The following GLIS3 variants were observed in gnomAD, a reference collection of about 807,000 sequenced individuals.
GLIS3 encodes the protein zinc finger protein GLIS3.
In GLIS3, 53 loss-of-function variants were observed where a neutral mutation model predicts 78.6. The ratio of observed to expected loss-of-function variants is 0.67; its 90% CI spans 0.54 to 0.85. The LOEUF is 0.85. Ranked by LOEUF, GLIS3 falls within the 40% of genes least tolerant of loss-of-function variation. The pLI is 0.00. For synonymous variants in GLIS3, 684 were observed against 509.9 expected (o/e 1.34, Z -4.60); for missense variants, 1,703 against 1,231.1 (o/e 1.38, Z -5.74).
chr9:4,413,864 T>G, the GLIS3 span, among the ~76,000 whole-genome samples: 4 of 152,236 alleles, frequency 2.6e-5, no homozygotes, highest in South Asian at 2.1e-4. Context: ...AACCAAAAAC[T>G]TGGATTTTGC....
At chr9:4,149,319 G>A (rs1408590475) in intron 2 of GLIS3, among the ~76,000 whole-genome samples, 1 of 152,170 alleles carries the variant, frequency 6.6e-6, no homozygotes, top group Non-Finnish European at 1.5e-5. Flanking sequence ...ACTAAGGCTT[G>A]AAGACCATAT....
chr9:3,862,189 G>T (rs1237933778), intron 8 of GLIS3, among the ~76,000 whole-genome samples: 1 of 152,176 alleles, frequency 6.6e-6, no homozygotes, highest in Non-Finnish European at 1.5e-5. Flanking sequence ...TTTGCTTAAA[G>T]TCACAAAGGT....
intron 4 of GLIS3, among the ~76,000 whole-genome samples, chr9:3,987,505 C>G (rs1407155801): frequency 6.6e-6 from 1 of 151,594 alleles, no homozygotes; most frequent in East Asian, 1.9e-4. Flanking sequence ...AGTTCGAGAC[C>G]AGCCTGGCCA....
chr9:4,006,691 T>C (rs1009665587), intron 4 of GLIS3, among the ~76,000 whole-genome samples: 1 of 152,204 alleles, frequency 6.6e-6, no homozygotes, highest in Non-Finnish European at 1.5e-5. Context: ...CCTAAGTTTA[T>C]TTAACAGGAA....
chr9:4,118,425 G>A lies in GLIS3; in HGVS notation c.1053C>T (p.Phe351=), dbSNP rs1027005598. ...GAATGCAGCTGCCGCGCACGCCCAG[G>A]AAATGCCCGTAGACCTCCGGCTGCG... ...LSPQPEVYGH[F]LGVRGSCIPQ... is the part of the protein sequence containing the mutation. The change falls in exon 4 of 11, where the codon TTC becomes TTT. Residue 351 remains phenylalanine, a synonymous_variant. Transcript: ENST00000381971. This position sits in a 1 kb window ranked among gnomAD's most constrained non-coding sequence, Gnocchi z 4.7. 1 of 1,610,966 alleles carries A rather than the reference G, an allele frequency of 6.2e-7. No homozygotes were observed. Among genetic ancestry groups the A allele is most frequent in the Non-Finnish European group, 8.5e-7 (1 of 1,179,942 alleles).
At chr9:4,023,581 T>C (rs1436974266) in intron 4 of GLIS3, among the ~76,000 whole-genome samples, 3 of 152,098 alleles carry the variant, frequency 2.0e-5, no homozygotes, top group African/African-American at 7.3e-5. Flanking sequence ...TTAGATTTTG[T>C]GGCCCACAGA....
rs112022815 is a variant in GLIS3, at chr9:3,929,741, G to A, written c.1983+2619C>T. 3.8e-3 allele frequency among the ~76,000 whole-genome samples: 578 copies of A among 152,216 alleles called. 5 individuals are homozygous for A. The highest frequency in any genetic ancestry group is 0.013 in the African/African-American group (560 of 41,544). ...AGGACTAGGACCATTACTCCACTGT[G>A]CCTTTATCACCTTGGAATTTTTATG... On this transcript the variant is annotated intron_variant, in intron 6 of 10. Transcript: ENST00000381971.
intron 8 of GLIS3, among the ~76,000 whole-genome samples, chr9:3,860,208 G>C (rs1018669463): frequency 8.4e-5 from 12 of 142,386 alleles, no homozygotes; most frequent in African/African-American, 3.2e-4. Context: ...CCGGGAGGCG[G>C]AGCTTGCAAT....
chr9:4,246,848 G>A (rs960553108), intron 2 of GLIS3, among the ~76,000 whole-genome samples: 2 of 152,082 alleles, frequency 1.3e-5, no homozygotes, highest in Non-Finnish European at 2.9e-5. Context: ...TGGTTTTTAT[G>A]AATATTATTT....
chr9:3,826,434 G>T lies in GLIS3; in HGVS notation c.*1838C>A, dbSNP rs949259348. On this transcript the variant is annotated 3_prime_UTR_variant, in exon 11 of 11. Coordinates refer to ENST00000381971, the MANE Select transcript of GLIS3 (RefSeq NM_001042413.2). Reference sequence around the variant, plus strand: ...GCCTTGGAGTTCACTTGTAAAGGAAGCCTGGTGTGCATCTTTTGTAAAGCA... The same window carrying T: ...GCCTTGGAGTTCACTTGTAAAGGAATCCTGGTGTGCATCTTTTGTAAAGCA... 2 of 147,660 alleles carry T rather than the reference G, an allele frequency of 1.4e-5. No homozygotes were observed. Among genetic ancestry groups the T allele is most frequent in the African/African-American group, 5.0e-5 (2 of 39,818 alleles). 9.1% of individuals were successfully genotyped at this position (147,660 alleles called of 1,614,324 possible).
At chr9:3,939,997 G>A (rs16920090) in intron 4 of GLIS3, among the ~76,000 whole-genome samples, 36,660 of 152,150 alleles carry the variant, frequency 0.24, 5,792 homozygotes, top group African/African-American at 0.45. Flanking sequence ...GAAAGAGAAA[G>A]GAGGTGCTGT....
chr9:4,416,107 C>T, the GLIS3 span, among the ~76,000 whole-genome samples: 4 of 151,420 alleles, frequency 2.6e-5, no homozygotes, highest in African/African-American at 9.7e-5. Flanking sequence ...TGCAAAGTGG[C>T]CAGGTGCAGT....
At chr9:3,954,735 G>C (rs1816970258) in intron 4 of GLIS3, among the ~76,000 whole-genome samples, 1 of 152,186 alleles carries the variant, frequency 6.6e-6, no homozygotes, top group Non-Finnish European at 1.5e-5. Context: ...ATTAAGCTCT[G>C]TATCTTATGG....
At chr9:3,960,549 T>A (rs988815647) in intron 4 of GLIS3, among the ~76,000 whole-genome samples, 2 of 152,260 alleles carry the variant, frequency 1.3e-5, no homozygotes, top group Non-Finnish European at 2.9e-5. Context: ...TTGTTCATCA[T>A]TCTTTGACAC....
At chr9:4,312,242 C>T (rs573768337) in intron 2 of GLIS3, among the ~76,000 whole-genome samples, 4 of 152,248 alleles carry the variant, frequency 2.6e-5, no homozygotes, top group Non-Finnish European at 4.4e-5. Context: ...CCAAGGCTGG[C>T]GGATCACTTG....
intron 2 of GLIS3, among the ~76,000 whole-genome samples, chr9:4,316,874 G>T (rs199858500): frequency 1.9e-5 from 1 of 53,126 alleles, no homozygotes; most frequent in Non-Finnish European, 3.4e-5. Context: ...TCTTTATTTA[G>T]AAGAAGTTTT....
At chr9:4,080,188 C>A (rs1350587145) in intron 4 of GLIS3, among the ~76,000 whole-genome samples, 1 of 152,176 alleles carries the variant, frequency 6.6e-6, no homozygotes, top group Non-Finnish European at 1.5e-5. Flanking sequence ...TTCTAAGACA[C>A]CTGACATATT....
chr9:4,342,471 A>G (rs1365878424), intron 2 of GLIS3, among the ~76,000 whole-genome samples: 2 of 152,140 alleles, frequency 1.3e-5, no homozygotes. Flanking sequence ...GTGTACCACT[A>G]CCATGCTATT....
chr9:4,016,713 A>G (rs757599793), intron 4 of GLIS3, among the ~76,000 whole-genome samples: 6 of 151,428 alleles, frequency 4.0e-5, no homozygotes, highest in Non-Finnish European at 8.8e-5. Context: ...ACTCCTCCAC[A>G]TGGATGCACT....
Sources: allele counts gnomAD v4.1 joint callset (sites outside exome capture counted in the v4.1 genomes callset), GRCh38; gene constraint gnomAD v4.1.1; non-coding constraint Gnocchi (gnomAD v3.1); transcripts MANE v1.5; gene names NCBI Gene and HGNC (gene_info 2026-07-23, HGNC 2026-07-21).